The following ANKRD44 variants were observed in gnomAD, a reference collection of about 807,000 sequenced individuals.
ANKRD44 encodes serine/threonine-protein phosphatase 6 regulatory ankyrin repeat subunit B.
In ANKRD44, 35 loss-of-function variants were observed where a neutral mutation model predicts 116.0. That is an observed-to-expected ratio of 0.30 (90% CI 0.23 to 0.40). The LOEUF is 0.40. ANKRD44 is among the 10% of genes least tolerant of loss of function. ANKRD44 has a pLI of 1.00. For missense variants in ANKRD44, 1,014 were observed against 1,242.6 expected (o/e 0.82, Z 2.77); for synonymous variants, 435 against 461.8 (o/e 0.94, Z 0.74).
chr2:197,202,031 T>C (rs2081102491), intron 1 of ANKRD44, among the ~76,000 whole-genome samples: 1 of 152,244 alleles, frequency 6.6e-6, no homozygotes, highest in East Asian at 1.9e-4. Context: ...GGAGAACTTT[T>C]AGCTGCCCCT....
At chr2:197,127,289 A>C (rs1440399287) in intron 4 of ANKRD44, among the ~76,000 whole-genome samples, 1 of 152,234 alleles carries the variant, frequency 6.6e-6, no homozygotes, top group Admixed American at 6.5e-5. Context: ...TTACATTTTT[A>C]AATCCTAAAG....
rs1278570998 is a variant in ANKRD44 at position 196,993,665 on chromosome 2, G to A, written c.2841C>T (p.His947=). ...CCTTTAAGCCATTGCGCGCAGCGAC[G>A]TGGAGGGGTCTAAAAAACACAAGAC... ...EKNNALQTPL[H]VAARNGLKVV... Residue 947 remains histidine (H), a synonymous_variant, in exon 27 of 28, where the codon CAC becomes CAT. Transcript: ENST00000282272. 1.9e-5 allele frequency: 29 copies of A among 1,550,736 alleles called. No individual in the cohort carries two copies. Among genetic ancestry groups the A allele is most frequent in the African/African-American group, 4.1e-5 (3 of 73,056 alleles).
chr2:197,106,752 T>C (rs1329608392), intron 9 of ANKRD44, among the ~76,000 whole-genome samples: 1 of 150,452 alleles, frequency 6.6e-6, no homozygotes, highest in Non-Finnish European at 1.5e-5. Context: ...ATGGTGCCAC[T>C]GCACTCCAGC....
chr2:197,105,437 A>ATT (rs1463615239), intron 9 of ANKRD44, among the ~76,000 whole-genome samples: 3 of 152,176 alleles, frequency 2.0e-5, no homozygotes, highest in Admixed American at 6.5e-5. Flanking sequence ...AATTGTCCAG[A>ATT]TAATAGAGTA....
At chr2:197,059,307 C>T (rs1208586595) in intron 16 of ANKRD44, among the ~76,000 whole-genome samples, 2 of 152,146 alleles carry the variant, frequency 1.3e-5, no homozygotes, top group Non-Finnish European at 2.9e-5. Context: ...TTCTTACCTG[C>T]TCTTTGTCCT....
intron 1 of ANKRD44, among the ~76,000 whole-genome samples, chr2:197,233,960 A>G (rs1202056205): frequency 6.6e-6 from 1 of 152,252 alleles, no homozygotes; most frequent in Non-Finnish European, 1.5e-5. Context: ...CATTTTGCCT[A>G]TAGTTAACAA....
intron 21 of ANKRD44, among the ~76,000 whole-genome samples, chr2:197,005,156 T>C (rs1424141086): frequency 6.6e-6 from 1 of 152,178 alleles, no homozygotes; most frequent in Non-Finnish European, 1.5e-5. Context: ...ACTTCAGATA[T>C]TTCTGTACTT....
chr2:197,173,897 G>T lies in ANKRD44; in HGVS notation c.111+13126C>A, dbSNP rs2712896. On this transcript the variant is annotated intron_variant, in intron 2 of 27. Coordinates refer to ENST00000282272, the MANE Select transcript of ANKRD44 (RefSeq NM_001195144.2). ...ACAATACAAAAATTAGCCGGGCATGGTAGCACATGTCTGTAATCTCAGCTA... is the reference window on the plus strand; with the variant it reads ...ACAATACAAAAATTAGCCGGGCATGTTAGCACATGTCTGTAATCTCAGCTA... Among the ~76,000 whole-genome samples, 678 of 152,246 alleles carry T rather than the reference G, an allele frequency of 4.5e-3. 7 individuals carry two copies. Among genetic ancestry groups the T allele is most frequent in the African/African-American group, 0.015 (606 of 41,520 alleles).
chr2:197,267,384 T>C (rs1038941741), intron 1 of ANKRD44, among the ~76,000 whole-genome samples: 2 of 152,210 alleles, frequency 1.3e-5, no homozygotes, highest in Admixed American at 6.5e-5. Context: ...TTGTGAACAA[T>C]TGGCTGTTGC....
chr2:197,070,284 A>T (rs1237294195), intron 16 of ANKRD44, among the ~76,000 whole-genome samples: 1 of 152,162 alleles, frequency 6.6e-6, no homozygotes, highest in East Asian at 1.9e-4. Context: ...AATGTTGAAT[A>T]GGAGTGGTAT....
chr2:197,267,272 A>T (rs1333505258), intron 1 of ANKRD44, among the ~76,000 whole-genome samples: 1 of 152,240 alleles, frequency 6.6e-6, no homozygotes. Flanking sequence ...TTAAAATGCT[A>T]AAATCACTCC....
intron 16 of ANKRD44, among the ~76,000 whole-genome samples, chr2:197,038,527 T>C (rs1302038752): frequency 6.6e-6 from 1 of 152,182 alleles, no homozygotes; most frequent in Non-Finnish European, 1.5e-5. Flanking sequence ...AGGTGACCCT[T>C]GGGTTGTCTA....
chr2:196,976,622 T>C (rs1230370184), intron 21 of ANKRD44, among the ~76,000 whole-genome samples: 2 of 152,138 alleles, frequency 1.3e-5, no homozygotes, highest in Non-Finnish European at 2.9e-5. Context: ...ATCCCAGCAC[T>C]TTGGGAGGCC....
At chr2:197,081,362 G>A (rs986889809) in intron 15 of ANKRD44, among the ~76,000 whole-genome samples, 4 of 152,114 alleles carry the variant, frequency 2.6e-5, no homozygotes, top group Admixed American at 1.3e-4. Context: ...ATGATGCATC[G>A]CAGTTAGAAT....
intron 16 of ANKRD44, among the ~76,000 whole-genome samples, chr2:197,065,897 C>G (rs1016442342): frequency 6.6e-6 from 1 of 152,156 alleles, no homozygotes; most frequent in Non-Finnish European, 1.5e-5. Context: ...TGAAACTGTT[C>G]CAATCAACAG....
chr2:197,195,206 C>T (rs188964347), intron 1 of ANKRD44, among the ~76,000 whole-genome samples: 220 of 152,212 alleles, frequency 1.4e-3, no homozygotes, highest in African/African-American at 5.1e-3. Context: ...CTCTTGAACC[C>T]CTGGCCTCAA....
chr2:197,033,245 A>G (rs1193958230), intron 16 of ANKRD44, among the ~76,000 whole-genome samples: 3 of 152,172 alleles, frequency 2.0e-5, no homozygotes, highest in Admixed American at 6.5e-5. Context: ...AGGATTAAAG[A>G]GTAGACAGAG....
At chr2:197,298,318 C>T (rs1184179285) in intron 1 of ANKRD44, among the ~76,000 whole-genome samples, 1 of 152,214 alleles carries the variant, frequency 6.6e-6, no homozygotes, top group Non-Finnish European at 1.5e-5. Context: ...AAATCCAGGT[C>T]TTCCTAAAAG....
At chr2:197,221,148 A>G (rs919356459) in intron 1 of ANKRD44, among the ~76,000 whole-genome samples, 1 of 152,026 alleles carries the variant, frequency 6.6e-6, no homozygotes, top group Admixed American at 6.6e-5. Flanking sequence ...CTACTTGGGA[A>G]GCTGAGGCAG....
Sources: gnomAD v4.1 joint callset for allele counts (sites outside exome capture counted in the v4.1 genomes callset) on GRCh38, gnomAD v4.1.1 for gene constraint, MANE v1.5 for transcripts, NCBI Gene and HGNC (gene_info 2026-07-23, HGNC 2026-07-21) for gene names.